PCSK2: variants seen among roughly 807,000 people sequenced by gnomAD.
The protein encoded by PCSK2 is neuroendocrine convertase 2.
PCSK2 carries 14 observed loss-of-function variants against 69.7 expected under a neutral mutation model. The ratio of observed to expected loss-of-function variants is 0.20; its 90% CI spans 0.13 to 0.31. The LOEUF (loss-of-function observed/expected upper bound fraction) is 0.31, where lower values mean the gene tolerates loss of function less well. Ranked by LOEUF, PCSK2 falls within the 10% of genes least tolerant of loss-of-function variation. PCSK2 has a pLI of 1.00. For synonymous variants in PCSK2, 307 were observed against 320.7 expected, an observed-to-expected ratio of 0.96 and a Z score of 0.46; for missense variants, 544 against 842.5, an observed-to-expected ratio of 0.65 and a Z score of 4.39.
chr20:17,298,414 G>C (rs371473343), intron 2 of PCSK2, among the ~76,000 whole-genome samples: 3 of 152,162 alleles, frequency 2.0e-5, no homozygotes, highest in Non-Finnish European at 2.9e-5. Flanking sequence ...TGGTGGGAAG[G>C]TGGGTGTTTG....
intron 5 of PCSK2, among the ~76,000 whole-genome samples, chr20:17,385,335 A>C (rs750005435): frequency 3.3e-5 from 5 of 152,218 alleles, no homozygotes; most frequent in Non-Finnish European, 7.3e-5. Context: ...GACATCTGGA[A>C]AACTGCTGAA....
At chr20:17,303,466 A>ATATAT (rs1486714527) in intron 2 of PCSK2, among the ~76,000 whole-genome samples, 5 of 60,326 alleles carry the variant, frequency 8.3e-5, no homozygotes, top group African/African-American at 3.5e-4. Context: ...TAAATATAAT[A>ATATAT]TATATTATAT....
At chr20:17,380,486 C>T (rs991574169) in intron 5 of PCSK2, among the ~76,000 whole-genome samples, 3 of 152,226 alleles carry the variant, frequency 2.0e-5, no homozygotes, top group Admixed American at 6.5e-5. Context: ...CCAACTGCTT[C>T]TTAACTATGT....
chr20:17,432,659 A>T (rs1457722695), intron 7 of PCSK2, among the ~76,000 whole-genome samples: 2 of 152,246 alleles, frequency 1.3e-5, no homozygotes, highest in Non-Finnish European at 2.9e-5. Flanking sequence ...CAAAATCCAC[A>T]AAACCAAGCA....
Position 17,484,550 on chromosome 20 carries a change from C to T in PCSK2, c.*2480C>T, listed in dbSNP as rs547641450. ...AAAAGACATGTTGTAAATTAGGAGG[C>T]TCAACAATAAAACATTATGCTCCAG... On this transcript the variant is annotated 3_prime_UTR_variant, in exon 12 of 12. Coordinates refer to ENST00000262545, the MANE Select transcript of PCSK2 (RefSeq NM_002594.5). 10 of 152,306 alleles carry T rather than the reference C, an allele frequency of 6.6e-5. No individual in the cohort carries two copies. The highest frequency in any genetic ancestry group is 4.1e-4 in the South Asian group (2 of 4,822). 9.4% of individuals were successfully genotyped at this position (152,306 alleles called of 1,614,324 possible). A position where few individuals can be genotyped will look rare whatever the true frequency, so the allele number is the denominator to read the frequency against.
rs375469575 is a variant in PCSK2 at position 17,363,277 on chromosome 20, G to A, written c.505+2637G>A. ...AACTCAGCCATCATCCCCTCTGCTG[G>A]ATCCAGTGACTCAATGGATGCTCAA... On this transcript the variant is annotated intron_variant, in intron 4 of 11. Transcript: ENST00000262545. Among the ~76,000 whole-genome samples, 7 of 152,304 alleles carry A rather than the reference G, an allele frequency of 4.6e-5. No individual in the cohort carries two copies. In the East Asian group the frequency reaches 7.7e-4, roughly 17 times the overall value.
chr20:17,429,374 T>G, intron 6 of PCSK2, 61 bp from the exon 7 acceptor site: 5 of 1,220,036 alleles, frequency 4.1e-6, no homozygotes, highest in Non-Finnish European at 6.1e-6. Context: ...TTTGAGCCCA[T>G]GAGAGATCTA....
intron 1 of PCSK2, among the ~76,000 whole-genome samples, chr20:17,252,888 A>G (rs537968467): frequency 2.8e-4 from 42 of 152,390 alleles, no homozygotes; most frequent in African/African-American, 9.9e-4. Flanking sequence ...TTTCAAAACA[A>G]TTAAAAATAT....
intron 8 of PCSK2, among the ~76,000 whole-genome samples, chr20:17,450,190 G>A (rs1168948907): frequency 1.3e-5 from 2 of 151,660 alleles, no homozygotes; most frequent in Non-Finnish European, 2.9e-5. Context: ...CACCTCGCCC[G>A]GCTAATTTTT....
chr20:17,343,438 A>T (rs577865585), intron 2 of PCSK2, among the ~76,000 whole-genome samples: 1 of 152,320 alleles, frequency 6.6e-6, no homozygotes, highest in South Asian at 2.1e-4. Context: ...GGGCTGCTTC[A>T]TCCCTGCACA....
intron 2 of PCSK2, among the ~76,000 whole-genome samples, chr20:17,345,505 C>T (rs746398440): frequency 4.3e-4 from 65 of 152,324 alleles, no homozygotes; most frequent in African/African-American, 7.5e-4. Context: ...CTCAACTCTA[C>T]GGCTGCAGTG....
At chr20:17,452,838 A>C (rs2269024) in intron 8 of PCSK2, among the ~76,000 whole-genome samples, 87,843 of 152,102 alleles carry the variant, frequency 0.58, 25,662 homozygotes, top group South Asian at 0.71. Context: ...AGAGGAAAAT[A>C]CTCAGAAGAC....
rs71192374 is a variant in PCSK2 at position 17,338,171 on chromosome 20, T to TGGG, written c.283-20147_283-20145dup. On this transcript the variant is annotated intron_variant, in intron 2 of 11. Transcript: ENST00000262545. Reference sequence around the variant, plus strand: ...CTGAGAAGAAACCTTACATTTTTTTTGGGGGGGGGGGTTGTGTTTTTGTTT... The same window carrying TGGG: ...CTGAGAAGAAACCTTACATTTTTTTTGGGGGGGGGGGGGGTTGTGTTTTTGTTT... Among the ~76,000 whole-genome samples the TGGG allele has an allele frequency of 4.1e-4, 46 of 112,908 alleles. 1 individual carries two copies. Among genetic ancestry groups the TGGG allele is most frequent in the South Asian group, 1.5e-3 (4 of 2,638 alleles). 74.1% of individuals were successfully genotyped at this position (112,908 alleles called of 152,430 possible). A position where few individuals can be genotyped will look rare whatever the true frequency, so the allele number is the denominator to read the frequency against.
At chr20:17,425,304 C>A (rs1328673495) in intron 6 of PCSK2, among the ~76,000 whole-genome samples, 1 of 152,096 alleles carries the variant, frequency 6.6e-6, no homozygotes. Flanking sequence ...TTCTACACAC[C>A]AGCCTCAAAG....
intron 6 of PCSK2, among the ~76,000 whole-genome samples, chr20:17,428,232 G>A (rs1456405164): frequency 6.6e-6 from 1 of 152,210 alleles, no homozygotes; most frequent in East Asian, 1.9e-4. Flanking sequence ...TTGGTGAACT[G>A]TTTTAGGACA....
intron 4 of PCSK2, among the ~76,000 whole-genome samples, chr20:17,363,512 A>T (rs1340387851): frequency 1.3e-5 from 2 of 152,222 alleles, no homozygotes; most frequent in Admixed American, 1.3e-4. Flanking sequence ...GGAATTGTTT[A>T]GAGTTGGGAA....
intron 2 of PCSK2, among the ~76,000 whole-genome samples, chr20:17,303,446 TATATTATATTAAATATAATA>T: frequency 3.7e-5 from 2 of 54,048 alleles, no homozygotes; most frequent in African/African-American, 7.4e-5. Flanking sequence ...TAATATAATA[TATATTATATTAAATATAATA>T]TATATTATAT....
chr20:17,248,416 C>G (rs1181099678), intron 1 of PCSK2, among the ~76,000 whole-genome samples: 4 of 152,102 alleles, frequency 2.6e-5, no homozygotes, highest in Admixed American at 1.3e-4. Flanking sequence ...GCAGCAAGTA[C>G]CTTATACTAC....
At chr20:17,266,868 A>G (rs532257685) in intron 2 of PCSK2, among the ~76,000 whole-genome samples, 42 of 152,244 alleles carry the variant, frequency 2.8e-4, no homozygotes, top group African/African-American at 9.9e-4. Context: ...ACGTCCTGCT[A>G]CCAAAGGCAA....
Sources: gnomAD v4.1 joint callset for allele counts (sites outside exome capture counted in the v4.1 genomes callset) on GRCh38, gnomAD v4.1.1 for gene constraint, MANE v1.5 for transcripts, NCBI Gene and HGNC (gene_info 2026-07-23, HGNC 2026-07-21) for gene names.